HACE1: variants seen among roughly 807,000 people sequenced by gnomAD.
HACE1 encodes the protein HECT domain and ankyrin repeat containing E3 ubiquitin protein ligase 1.
A neutral mutation model predicts 118.4 loss-of-function variants in HACE1; 73 were observed. The ratio of observed to expected loss-of-function variants is 0.62; its 90% confidence interval spans 0.51 to 0.75. The LOEUF (loss-of-function observed/expected upper bound fraction) is 0.75. Ranked by LOEUF, HACE1 falls within the 30% of genes least tolerant of loss-of-function variation. The pLI is 0.00. For synonymous variants in HACE1, 368 were observed against 374.8 expected (o/e 0.98, Z 0.21); for missense variants, 749 against 1,102.2 (o/e 0.68, Z 4.54).
chr6:104,749,351 A>G (rs1777789278), intron 20 of HACE1, among the ~76,000 whole-genome samples: 1 of 152,142 alleles, frequency 6.6e-6, no homozygotes, highest in African/African-American at 2.4e-5. Flanking sequence ...AAAACAATCA[A>G]AAAAACCTCA....
At chr6:104,816,380 G>C (rs1378408436) in intron 6 of HACE1, among the ~76,000 whole-genome samples, 1 of 152,236 alleles carries the variant, frequency 6.6e-6, no homozygotes, top group Non-Finnish European at 1.5e-5. Flanking sequence ...CTGTGTCCCA[G>C]ATGCTCCAGC....
intron 14 of HACE1, 74 bp from the exon 15 acceptor site, chr6:104,777,391 A>AC: frequency 1.1e-6 from 1 of 886,830 alleles, no homozygotes; most frequent in East Asian, 2.4e-5. Context: ...CTAGCTTGCT[A>AC]AATGCCTTTT....
At chr6:104,783,624 A>T (rs887280388) in intron 14 of HACE1, among the ~76,000 whole-genome samples, 2 of 152,222 alleles carry the variant, frequency 1.3e-5, no homozygotes, top group African/African-American at 4.8e-5. Context: ...TGGAATGAAC[A>T]GGTACACATC....
At chr6:104,846,674 A>C (rs1234719195) in intron 4 of HACE1, among the ~76,000 whole-genome samples, 3 of 152,222 alleles carry the variant, frequency 2.0e-5, no homozygotes, top group Non-Finnish European at 1.5e-5. Context: ...CCCAAAACGC[A>C]GACTGACCAA....
intron 11 of HACE1, among the ~76,000 whole-genome samples, chr6:104,790,246 T>G (rs1417130516): frequency 6.6e-6 from 1 of 152,148 alleles, no homozygotes; most frequent in African/African-American, 2.4e-5. Context: ...AATCTACTAG[T>G]GTCAAAGTTC....
chr6:104,753,378 T>C (rs1442461076), intron 19 of HACE1, among the ~76,000 whole-genome samples: 2 of 152,200 alleles, frequency 1.3e-5, no homozygotes, highest in African/African-American at 4.8e-5. Flanking sequence ...ACATGTGCTC[T>C]ACCAAAAAGC....
chr6:104,847,808 G>C (rs1470570184), intron 4 of HACE1, among the ~76,000 whole-genome samples: 1 of 151,746 alleles, frequency 6.6e-6, no homozygotes, highest in African/African-American at 2.4e-5. Flanking sequence ...AAGTTTTTTG[G>C]GGTTTTTTTT....
In HACE1 at chr6:104,857,350, G is replaced by A. The variant is rs150650898; in HGVS notation, c.76+2217C>T. Among the ~76,000 whole-genome samples, 935 of 151,638 alleles carry A rather than the reference G, an allele frequency of 6.2e-3. 7 individuals carry two copies. Among genetic ancestry groups the A allele is most frequent in the Non-Finnish European group, 9.2e-3 (622 of 67,902 alleles). On this transcript the variant is annotated intron_variant, in intron 1 of 23. Transcript: ENST00000262903. Reference sequence around the variant, plus strand: ...TAATCAAAGAAAAGCAAATGCAAACGATGCCATTTTTGCCTATGTGGAAAA... The same window carrying A: ...TAATCAAAGAAAAGCAAATGCAAACAATGCCATTTTTGCCTATGTGGAAAA...
At chr6:104,810,898 C>A (rs1427092416) in intron 7 of HACE1, among the ~76,000 whole-genome samples, 3 of 151,916 alleles carry the variant, frequency 2.0e-5, no homozygotes, top group Admixed American at 1.3e-4. Flanking sequence ...ACAGCTTATC[C>A]CACTGGAAAT....
At chr6:104,753,076 C>T (rs892679326) in intron 19 of HACE1, among the ~76,000 whole-genome samples, 2 of 152,184 alleles carry the variant, frequency 1.3e-5, no homozygotes, top group Non-Finnish European at 2.9e-5. Flanking sequence ...TTCCCTGCCT[C>T]GCTAAACAGT....
At chr6:104,849,110 A>G (rs1775930761) in intron 4 of HACE1, 32 bp downstream of exon 4, 1 of 1,194,840 alleles carries the variant, frequency 8.4e-7, no homozygotes, top group Non-Finnish European at 1.3e-6. Context: ...TGATAATACA[A>G]CTTAAGCCAC....
At chr6:104,733,455 T>C (rs1404491635) in intron 22 of HACE1, among the ~76,000 whole-genome samples, 1 of 152,146 alleles carries the variant, frequency 6.6e-6, no homozygotes, top group Non-Finnish European at 1.5e-5. Flanking sequence ...GGCATAAGTA[T>C]ATATGAGAAA....
intron 7 of HACE1, among the ~76,000 whole-genome samples, chr6:104,807,213 G>A (rs192779538): frequency 7.2e-5 from 11 of 151,898 alleles, no homozygotes; most frequent in Admixed American, 4.6e-4. Context: ...TAGTAGAGAC[G>A]GGGTTTCACC....
chr6:104,778,866 C>A (rs1349622575), intron 14 of HACE1, among the ~76,000 whole-genome samples: 1 of 151,808 alleles, frequency 6.6e-6, no homozygotes, highest in East Asian at 1.9e-4. Flanking sequence ...ATAGAAATAA[C>A]TTAAAGTGGA....
chr6:104,816,299 A>C (rs1377997744), intron 6 of HACE1, among the ~76,000 whole-genome samples: 1 of 152,202 alleles, frequency 6.6e-6, no homozygotes, highest in Non-Finnish European at 1.5e-5. Flanking sequence ...CTGGAGGCCT[A>C]GGAGGGGAAA....
chr6:104,825,173 G>A (rs1057402179), intron 6 of HACE1, among the ~76,000 whole-genome samples: 4 of 152,118 alleles, frequency 2.6e-5, no homozygotes, highest in Non-Finnish European at 4.4e-5. Context: ...TTTGAGGCAG[G>A]AGAATAGGGT....
At chr6:104,822,004 T>C (rs1353085320) in intron 6 of HACE1, among the ~76,000 whole-genome samples, 1 of 151,888 alleles carries the variant, frequency 6.6e-6, no homozygotes, top group Non-Finnish European at 1.5e-5. Flanking sequence ...GGCCAGGAGT[T>C]CAAGACCAAT....
At chr6:104,751,344 T>G (rs1310816939) in intron 19 of HACE1, among the ~76,000 whole-genome samples, 1 of 152,374 alleles carries the variant, frequency 6.6e-6, no homozygotes. Flanking sequence ...AACACATACT[T>G]AGAACTTGGT....
rs757421072 is a variant in HACE1 at position 104,796,948 on chromosome 6, G to A, written c.695C>T (p.Pro232Leu). The A allele has an allele frequency of 5.1e-6, 8 of 1,578,136 alleles. No individual in the cohort carries two copies. The East Asian group carries it at 1.8e-4, about 35-fold the overall frequency. ...ACACACCTGTACACATAAATCCAGA[G>A]GAGTTACTCCATTTTTATCTGGCAG... is the stretch of plus-strand genomic sequence containing the variant. ...KYLPDKNGVTPLDLCVQGGYG... is the reference protein window; with the variant it reads ...KYLPDKNGVTLLDLCVQGGYG... The change falls in exon 8 of 24, where the codon CCT becomes CTT. Residue 232 changes from proline to leucine, a missense_variant. By Grantham distance (98) the Pro-to-Leu change is moderately conservative. Around this residue, in one of 5 missense-constraint regions of HACE1, gnomAD observed 267 missense variants for 312.2 expected, o/e 0.86. Coordinates refer to ENST00000262903, the MANE Select transcript of HACE1 (RefSeq NM_020771.4).
Sources: gnomAD v4.1 joint callset for allele counts (sites outside exome capture counted in the v4.1 genomes callset) on GRCh38, gnomAD v4.1.1 for gene constraint, gnomAD v4.1.1 regional missense constraint, MANE v1.5 for transcripts, NCBI Gene and HGNC (gene_info 2026-07-23, HGNC 2026-07-21) for gene names.